The following GPC6 variants were observed in gnomAD, a reference collection of about 807,000 sequenced individuals.
The protein encoded by GPC6 is glypican-6.
In GPC6, 14 loss-of-function variants were observed where a neutral mutation model predicts 55.2. That is an observed-to-expected ratio of 0.25 (90% CI 0.17 to 0.40). GPC6 has a LOEUF of 0.40. Among genes scored for constraint, GPC6 ranks in the 10% least tolerant of loss-of-function variants. The probability of loss-of-function intolerance (pLI) is 1.00; values close to 1 mark genes in which losing one functional copy is unlikely to be tolerated. For synonymous variants in GPC6, 278 were observed against 259.6 expected (o/e 1.07, Z -0.68); for missense variants, 641 against 708.5 (o/e 0.90, Z 1.08).
At chr13:94,266,704 G>A (rs961209776) in intron 4 of GPC6, among the ~76,000 whole-genome samples, 3 of 152,050 alleles carry the variant, frequency 2.0e-5, no homozygotes, top group African/African-American at 4.8e-5. Flanking sequence ...CTATTTAGCC[G>A]TCATCACACT....
chr13:94,358,254 A>G (rs572868224), intron 6 of GPC6, among the ~76,000 whole-genome samples: 4 of 148,494 alleles, frequency 2.7e-5, no homozygotes, highest in Non-Finnish European at 4.5e-5. Flanking sequence ...GTGCCACCGC[A>G]CTCCAGCCTA....
At chr13:93,426,303 G>A (rs191596551) in intron 1 of GPC6, among the ~76,000 whole-genome samples, 10 of 151,998 alleles carry the variant, frequency 6.6e-5, no homozygotes, top group Non-Finnish European at 1.3e-4. Flanking sequence ...AGTTACATAT[G>A]TATACATGTG....
At chr13:93,538,684 C>G (rs1295632532) in intron 1 of GPC6, among the ~76,000 whole-genome samples, 1 of 152,174 alleles carries the variant, frequency 6.6e-6, no homozygotes, top group Non-Finnish European at 1.5e-5. Flanking sequence ...CACAGAAAAA[C>G]ATCAAGCAAA....
At chr13:94,279,484 G>A (rs1388518946) in intron 4 of GPC6, among the ~76,000 whole-genome samples, 2 of 151,754 alleles carry the variant, frequency 1.3e-5, no homozygotes, top group Non-Finnish European at 2.9e-5. Context: ...CCTTCTCCTA[G>A]CTTTTGGATT....
chr13:94,073,853 A>C (rs1180274446), intron 4 of GPC6, among the ~76,000 whole-genome samples: 2 of 152,234 alleles, frequency 1.3e-5, no homozygotes, highest in Non-Finnish European at 2.9e-5. Context: ...AAAATGACAT[A>C]AATGGTGCTT....
intron 1 of GPC6, among the ~76,000 whole-genome samples, chr13:93,331,978 T>C (rs113353603): frequency 0.033 from 4,998 of 152,116 alleles, 286 homozygotes; most frequent in African/African-American, 0.11. Flanking sequence ...TTTCTCTGCC[T>C]GGCTTATTTC....
chr13:93,665,080 C>G (rs1013248926), intron 2 of GPC6, among the ~76,000 whole-genome samples: 2 of 152,200 alleles, frequency 1.3e-5, no homozygotes, highest in Non-Finnish European at 2.9e-5. Context: ...TCACACACTA[C>G]TGTTTGGCCC....
chr13:93,359,967 C>T (rs1880986793), intron 1 of GPC6, among the ~76,000 whole-genome samples: 1 of 152,062 alleles, frequency 6.6e-6, no homozygotes, highest in African/African-American at 2.4e-5. Flanking sequence ...GCCTTCCCAG[C>T]CTCTGTATTA....
At chr13:94,181,999 G>C (rs1015189317) in intron 4 of GPC6, among the ~76,000 whole-genome samples, 1 of 152,164 alleles carries the variant, frequency 6.6e-6, no homozygotes, top group Non-Finnish European at 1.5e-5. Flanking sequence ...GCTAGGAAGT[G>C]ACATTAGGAG....
chr13:94,188,150 A>C (rs1889264269), intron 4 of GPC6, among the ~76,000 whole-genome samples: 1 of 152,134 alleles, frequency 6.6e-6, no homozygotes, highest in Non-Finnish European at 1.5e-5. Context: ...TACAAATGAT[A>C]CTCACTTCAT....
chr13:93,440,843 C>T (rs563579556), intron 1 of GPC6, among the ~76,000 whole-genome samples: 5 of 152,010 alleles, frequency 3.3e-5, no homozygotes, highest in East Asian at 1.9e-4. Context: ...ATCCCTCCCC[C>T]CTGCCCCCAC....
At chr13:93,862,418 G>C (rs1326870340) in intron 3 of GPC6, among the ~76,000 whole-genome samples, 2 of 151,432 alleles carry the variant, frequency 1.3e-5, no homozygotes, top group Non-Finnish European at 3.0e-5. Flanking sequence ...TACATCGGGG[G>C]CTACTGGAGT....
intron 1 of GPC6, among the ~76,000 whole-genome samples, chr13:93,516,638 C>A (rs865976637): frequency 6.6e-6 from 1 of 151,918 alleles, no homozygotes; most frequent in Non-Finnish European, 1.5e-5. Flanking sequence ...AAGAAGAAAC[C>A]CTTCAAGATA....
intron 1 of GPC6, among the ~76,000 whole-genome samples, chr13:93,286,266 A>T (rs1310058620): frequency 6.6e-6 from 1 of 152,188 alleles, no homozygotes; most frequent in Non-Finnish European, 1.5e-5. Flanking sequence ...CTATCACAAG[A>T]ACAGGATGGG....
At position 94,203,813 on chromosome 13, in the gene GPC6, G is replaced by C. The variant is rs79407262; in HGVS notation, c.878-82536G>C. On this transcript the variant is annotated intron_variant, in intron 4 of 8. Transcript: ENST00000377047. The stretch of plus-strand genomic sequence containing the variant: ...CTTCTGGGAATTCTATCAAATACAT[G>C]TTGGAGCCTCCCAATCCTTACTGCA... 2.4e-3 allele frequency among the ~76,000 whole-genome samples: 359 copies of C among 152,148 alleles called. 1 individual carries two copies. Among genetic ancestry groups the C allele is most frequent in the African/African-American group, 8.4e-3 (347 of 41,522 alleles).
intron 1 of GPC6, among the ~76,000 whole-genome samples, chr13:93,299,430 ATC>A (rs1251300592): frequency 6.6e-6 from 1 of 152,232 alleles, no homozygotes; most frequent in Admixed American, 6.5e-5. Flanking sequence ...AGGAACAGTG[ATC>A]GCTAAAATGA....
intron 1 of GPC6, among the ~76,000 whole-genome samples, chr13:93,454,208 A>G (rs1291380072): frequency 6.8e-6 from 1 of 147,924 alleles, no homozygotes; most frequent in South Asian, 2.2e-4. Flanking sequence ...CAGAGTGCCA[A>G]TTGGTGTATT....
intron 2 of GPC6, among the ~76,000 whole-genome samples, chr13:93,671,601 G>A (rs1212856538): frequency 7.2e-6 from 1 of 139,482 alleles, no homozygotes; most frequent in East Asian, 2.0e-4. Context: ...GGTTTTTAAG[G>A]GTTTTTTAGG....
chr13:94,154,171 A>C (rs1593994302), intron 4 of GPC6: 2 of 152,148 alleles, frequency 1.3e-5, no homozygotes, highest in Admixed American at 1.3e-4. Context: ...CCAATTTAGC[A>C]AATATCTCAT....
Sources: gnomAD v4.1 joint callset for allele counts (sites outside exome capture counted in the v4.1 genomes callset) on GRCh38, gnomAD v4.1.1 for gene constraint, MANE v1.5 for transcripts, NCBI Gene and HGNC (gene_info 2026-07-23, HGNC 2026-07-21) for gene names.